The following COG5 variants were observed in gnomAD, a reference collection of about 807,000 sequenced individuals.
COG5 encodes the protein conserved oligomeric Golgi complex subunit 5.
Under a neutral mutation model 110.4 loss-of-function variants are expected in COG5, and 86 were observed. The observed-to-expected ratio is 0.78, with a 90% CI of 0.65 to 0.93. The LOEUF (loss-of-function observed/expected upper bound fraction) is 0.93, where lower values mean the gene tolerates loss of function less well. Among genes scored for constraint, COG5 ranks in the 40% least tolerant of loss-of-function variants. The probability of loss-of-function intolerance (pLI) is 0.00; values close to 1 mark genes in which losing one functional copy is unlikely to be tolerated. For synonymous variants in COG5, 360 were observed against 334.6 expected (o/e 1.08, Z -0.83); for missense variants, 1,077 against 987.0 (o/e 1.09, Z -1.22).
chr7:107,372,012 T>A (rs887966195), intron 8 of COG5, among the ~76,000 whole-genome samples: 2 of 152,188 alleles, frequency 1.3e-5, no homozygotes, highest in Admixed American at 1.3e-4. Flanking sequence ...TATATGTAAA[T>A]ATCACCAGGT....
chr7:107,316,911 C>A (rs899550782), intron 11 of COG5, among the ~76,000 whole-genome samples: 8 of 151,990 alleles, frequency 5.3e-5, no homozygotes, highest in African/African-American at 1.9e-4. Context: ...CACACACTCC[C>A]ATATAATATT....
rs867193153 is a variant in COG5, at chr7:107,512,579, A to G, written c.538+14658T>C. Among the ~76,000 whole-genome samples, 67 of 152,056 alleles carry G rather than the reference A, an allele frequency of 4.4e-4. 1 individual carries two copies. The highest frequency in any genetic ancestry group is 1.3e-3 in the African/African-American group (54 of 41,458). On this transcript the variant is annotated intron_variant, in intron 6 of 21. Transcript: ENST00000297135. ...TTCATATGGAACCAAAAAAGAGCCC[A>G]CATTGCCAAGTCAATCCTAAGCCAA...
chr7:107,223,226 C>G (rs986595591), intron 19 of COG5, among the ~76,000 whole-genome samples: 5 of 152,118 alleles, frequency 3.3e-5, no homozygotes, highest in African/African-American at 9.7e-5. Flanking sequence ...TGGGGCAGGG[C>G]ACAGGTGGCC....
chr7:107,273,042 G>A (rs1373660251), intron 14 of COG5, among the ~76,000 whole-genome samples: 2 of 152,248 alleles, frequency 1.3e-5, no homozygotes, highest in Admixed American at 6.5e-5. Context: ...ACGTGTGTTC[G>A]GGGAGGGGTA....
chr7:107,563,324 G>C (rs1468981261), intron 1 of COG5, among the ~76,000 whole-genome samples: 1 of 152,062 alleles, frequency 6.6e-6, no homozygotes, highest in Non-Finnish European at 1.5e-5. Context: ...GCCTGTAAGA[G>C]GGGTCACCTG....
At chr7:107,384,950 C>G (rs1269730259) in intron 7 of COG5, among the ~76,000 whole-genome samples, 1 of 152,174 alleles carries the variant, frequency 6.6e-6, no homozygotes, top group East Asian at 1.9e-4. Context: ...TTGTAGAAGA[C>G]ATAGTGAGTT....
At chr7:107,426,032 A>T (rs931246935) in intron 6 of COG5, among the ~76,000 whole-genome samples, 1 of 152,160 alleles carries the variant, frequency 6.6e-6, no homozygotes, top group African/African-American at 2.4e-5. Flanking sequence ...ACTGCCAGCA[A>T]ACCAAAGCTA....
intron 7 of COG5, among the ~76,000 whole-genome samples, chr7:107,392,793 AC>A (rs2129057326): frequency 6.6e-6 from 1 of 152,220 alleles, no homozygotes; most frequent in African/African-American, 2.4e-5. Context: ...GACTGATGAA[AC>A]CTTGGCATGA....
intron 7 of COG5, among the ~76,000 whole-genome samples, chr7:107,382,600 G>A (rs1391697355): frequency 6.6e-6 from 1 of 152,028 alleles, no homozygotes; most frequent in East Asian, 1.9e-4. Context: ...ACCACGCCCA[G>A]CTAATTTTTT....
intron 14 of COG5, among the ~76,000 whole-genome samples, chr7:107,269,031 A>G (rs1804029615): frequency 6.6e-6 from 1 of 152,052 alleles, no homozygotes; most frequent in Non-Finnish European, 1.5e-5. Flanking sequence ...CTTATTTGTC[A>G]TGATTCAATT....
At chr7:107,426,742 T>A (rs1330477792) in intron 6 of COG5, among the ~76,000 whole-genome samples, 1 of 152,204 alleles carries the variant, frequency 6.6e-6, no homozygotes, top group East Asian at 1.9e-4. Flanking sequence ...CATTGCAGTG[T>A]TGTTGCTAGA....
chr7:107,369,685 G>A (rs1165616961), intron 8 of COG5, among the ~76,000 whole-genome samples: 1 of 151,948 alleles, frequency 6.6e-6, no homozygotes, highest in Non-Finnish European at 1.5e-5. Context: ...CAACACGCCG[G>A]CCAGGTAACA....
intron 7 of COG5, among the ~76,000 whole-genome samples, chr7:107,408,332 G>T (rs1189482075): frequency 1.3e-5 from 2 of 152,282 alleles, no homozygotes; most frequent in Middle Eastern, 6.8e-3. Flanking sequence ...GTCCTTAGAT[G>T]AGCTGATTTC....
intron 21 of COG5, among the ~76,000 whole-genome samples, chr7:107,207,463 G>A (rs181831655): frequency 9.0e-4 from 136 of 151,938 alleles, no homozygotes; most frequent in Non-Finnish European, 1.0e-3. Flanking sequence ...GGCTAATAAG[G>A]TCTGTGAACA....
At chr7:107,306,031 A>G (rs1043156638) in intron 11 of COG5, among the ~76,000 whole-genome samples, 12 of 152,166 alleles carry the variant, frequency 7.9e-5, no homozygotes, top group African/African-American at 2.9e-4. Flanking sequence ...AAAATATATC[A>G]TATTTCATTC....
chr7:107,512,797 A>G (rs2129145338), intron 6 of COG5, among the ~76,000 whole-genome samples: 2 of 152,046 alleles, frequency 1.3e-5, no homozygotes, highest in East Asian at 1.9e-4. Context: ...GCAATGGGGA[A>G]AGGATTCCCT....
At chr7:107,287,223 T>C (rs1805713028) in intron 12 of COG5, among the ~76,000 whole-genome samples, 1 of 152,214 alleles carries the variant, frequency 6.6e-6, no homozygotes, top group Admixed American at 6.5e-5. Context: ...CTTGCAATTT[T>C]AGTGTTATGG....
chr7:107,363,755 A>G (rs1412034241), intron 8 of COG5, among the ~76,000 whole-genome samples: 1 of 152,112 alleles, frequency 6.6e-6, no homozygotes, highest in Non-Finnish European at 1.5e-5. Context: ...TCAGGATTCG[A>G]GACCAGCTTG....
At chr7:107,528,028 G>C (rs868155807) in intron 5 of COG5, among the ~76,000 whole-genome samples, 3 of 151,894 alleles carry the variant, frequency 2.0e-5, no homozygotes, top group African/African-American at 7.3e-5. Context: ...TTCAGTCCCA[G>C]CTTCTCTTTC....
Sources: gnomAD v4.1 joint callset for allele counts (sites outside exome capture counted in the v4.1 genomes callset) on GRCh38, gnomAD v4.1.1 for gene constraint, MANE v1.5 for transcripts, NCBI Gene and HGNC (gene_info 2026-07-23, HGNC 2026-07-21) for gene names.